ERGIC3: variants seen among roughly 807,000 people sequenced by gnomAD.
The protein encoded by ERGIC3 is ERGIC and golgi 3.
ERGIC3 carries 33 observed loss-of-function variants against 54.7 expected under a neutral mutation model. That is an observed-to-expected ratio of 0.60 (90% CI 0.46 to 0.81). The LOEUF (loss-of-function observed/expected upper bound fraction) is 0.81. Among genes scored for constraint, ERGIC3 ranks in the 30% least tolerant of loss-of-function variants. The pLI is 0.00. For missense variants in ERGIC3, 399 were observed against 488.4 expected, an observed-to-expected ratio of 0.82 and a Z score of 1.73; for synonymous variants, 186 against 189.8, an observed-to-expected ratio of 0.98 and a Z score of 0.16.
At chr20:35,555,812 CAAAAAAAAAAAAA>C (rs60761936) in intron 8 of ERGIC3, among the ~76,000 whole-genome samples, 1 of 80,596 alleles carries the variant, frequency 1.2e-5, no homozygotes, top group Admixed American at 1.4e-4. Context: ...GACCTTGTCT[CAAAAAAAAAAAAA>C]AAAAAGAAAA....
chr20:35,542,382 C>T lies in ERGIC3; in HGVS notation c.148C>T (p.Leu50Phe), dbSNP rs1473140955. ...GTTCCTGTCCGAGCTGCAGTATTAC[C>T]TCACCACGGAGGTAAGGGGCGGGGC... ...LLFLSELQYY[L>F]TTEVHPELYV... Residue 50 changes from leucine to phenylalanine, a missense_variant, in exon 2 of 13, where the codon CTC becomes TTC. Transcript: ENST00000348547. 1 of 1,613,874 alleles carries T rather than the reference C, an allele frequency of 6.2e-7. No individual in the cohort carries two copies. The highest frequency in any genetic ancestry group is 2.2e-5 in the East Asian group (1 of 44,856).
In ERGIC3 at chr20:35,553,020, A is replaced by ATTTTTTTTTTTTTTTTTTTTTTTTT. The variant is rs141438822; in HGVS notation, c.686-2020_686-1996dup. On this transcript the variant is annotated intron_variant, in intron 7 of 12. Transcript: ENST00000348547. ...TTTGCCCTGAGCTTCAAAGCTGGGG[A>ATTTTTTTTTTTTTTTTTTTTTTTTT]TTTTTTTTTTTTTTTTTTTTTTTTT... Among the ~76,000 whole-genome samples, 9 of 41,562 alleles carry ATTTTTTTTTTTTTTTTTTTTTTTTT rather than the reference A, an allele frequency of 2.2e-4. 4 individuals carry two copies. The highest frequency in any genetic ancestry group is 1.7e-3 in the East Asian group (2 of 1,150). The allele number at this position is 41,562 out of a possible 152,430, so 27.3% of individuals were successfully genotyped here.
At chr20:35,544,013 A>ACTATCTATCTAT (rs11468676) in intron 4 of ERGIC3, 23 of 187,878 alleles carry the variant, frequency 1.2e-4, no homozygotes, top group East Asian at 4.1e-4. Flanking sequence ...TGAAGAATCT[A>ACTATCTATCTAT]CTATCTATCT....
chr20:35,554,603 G>A (rs977123006), intron 7 of ERGIC3, among the ~76,000 whole-genome samples: 3 of 152,232 alleles, frequency 2.0e-5, no homozygotes, highest in African/African-American at 7.2e-5. Context: ...GGAACAGTTG[G>A]TACAGGGTCC....
At chr20:35,553,019 G>GGTTTTTTTTTTTTT (rs2064689546) in intron 7 of ERGIC3, among the ~76,000 whole-genome samples, 20 of 12,624 alleles carry the variant, frequency 1.6e-3, no homozygotes, top group Non-Finnish European at 3.7e-3. Flanking sequence ...CAAAGCTGGG[G>GGTTTTTTTTTTTTT]ATTTTTTTTT....
At chr20:35,548,408 G>C in intron 5 of ERGIC3, 101 bp from the exon 6 acceptor site, 1 of 1,280,556 alleles carries the variant, frequency 7.8e-7, no homozygotes. Flanking sequence ...GGCTAGCAGA[G>C]CCTTCATTAG....
chr20:35,548,387 G>A, intron 5 of ERGIC3, 122 bp from the exon 6 acceptor site: 5 of 1,032,604 alleles, frequency 4.8e-6, no homozygotes, highest in Non-Finnish European at 5.6e-6. Context: ...ATGTTTGGTG[G>A]TCAGGGATGA....
chr20:35,556,077 C>G lies in ERGIC3; in HGVS notation c.762C>G (p.Asp254Glu). The change falls in exon 9 of 13, where the codon GAC becomes GAG. Residue 254 changes from aspartate (D) to glutamate (E), a missense_variant. By Grantham distance (45) the Asp-to-Glu change is conservative. Coordinates refer to ENST00000348547, the MANE Select transcript of ERGIC3 (RefSeq NM_015966.3). The stretch of plus-strand genomic sequence containing the variant: ...TCCAGCACCTGTCATTTGGGGAGGA[C>G]TATCCAGGCATTGTGAACCCCCTGG... Reference protein sequence around the residue: ...HYIQHLSFGEDYPGIVNPLDH... With the variant: ...HYIQHLSFGEEYPGIVNPLDH... 1 of 1,614,190 alleles carries G rather than the reference C, an allele frequency of 6.2e-7. No individual in the cohort carries two copies. Among genetic ancestry groups the G allele is most frequent in the Non-Finnish European group, 8.5e-7 (1 of 1,180,034 alleles).
intron 7 of ERGIC3, among the ~76,000 whole-genome samples, chr20:35,549,984 C>T (rs1260193573): frequency 1.3e-5 from 2 of 152,010 alleles, no homozygotes; most frequent in East Asian, 3.9e-4. Context: ...GACGTAACCC[C>T]AGTGTAGGTC....
intron 8 of ERGIC3, among the ~76,000 whole-genome samples, chr20:35,555,380 AGTC>A (rs1285116977): frequency 6.6e-6 from 1 of 152,198 alleles, no homozygotes. Context: ...AGGCTGGAGA[AGTC>A]GGCAGGGACC....
At chr20:35,546,902 G>T (rs1482034071) in intron 4 of ERGIC3, among the ~76,000 whole-genome samples, 1 of 152,124 alleles carries the variant, frequency 6.6e-6, no homozygotes, top group East Asian at 1.9e-4. Flanking sequence ...GAGTCGGGAG[G>T]TCAGTATTCA....
At position 35,554,427 on chromosome 20, in the gene ERGIC3, T is replaced by A. The variant is rs766869641; in HGVS notation, c.686-617T>A. The A allele has an allele frequency of 1.9e-5, 30 of 1,612,622 alleles. No individual in the cohort carries two copies. The South Asian group carries it at 3.2e-4, about 17-fold the overall frequency. On this transcript the variant is annotated intron_variant, in intron 7 of 12. Coordinates refer to ENST00000348547, the MANE Select transcript of ERGIC3 (RefSeq NM_015966.3). ...CCCATGGAGGCCAAACCCCTACTTC[T>A]GGGGCAGCCTGCCCTACTAGAATGG...
chr20:35,555,241 C>G (rs984267380), intron 8 of ERGIC3, among the ~76,000 whole-genome samples, 166 bp downstream of exon 8: 1 of 152,124 alleles, frequency 6.6e-6, no homozygotes, highest in African/African-American at 2.4e-5. Context: ...GACTTTTGAA[C>G]TGAACTCTGA....
At chr20:35,544,514 C>T (rs887358094) in intron 4 of ERGIC3, 7 of 276,096 alleles carry the variant, frequency 2.5e-5, no homozygotes, top group Non-Finnish European at 4.5e-5. Context: ...GGATGTGCGT[C>T]CCCACTCTTT....
At chr20:35,545,418 T>C (rs1397072758) in intron 4 of ERGIC3, 3 of 146,562 alleles carry the variant, frequency 2.0e-5, no homozygotes, top group South Asian at 4.4e-4. Context: ...AAAAAAAAAA[T>C]TAGCCGGGTG....
intron 4 of ERGIC3, among the ~76,000 whole-genome samples, chr20:35,547,007 T>C (rs900500878): frequency 2.6e-5 from 4 of 152,122 alleles, no homozygotes; most frequent in Non-Finnish European, 5.9e-5. Context: ...GGCAAGAGGT[T>C]AGTGGCATAC....
At chr20:35,557,372 G>C (rs866209577) in intron 12 of ERGIC3, 53 bp from the exon 13 acceptor site, 2 of 1,609,398 alleles carry the variant, frequency 1.2e-6, no homozygotes. Flanking sequence ...GGCTCTCAGC[G>C]TCAAAAGCCA....
At chr20:35,544,580 G>A (rs982357245) in intron 4 of ERGIC3, 6 of 259,392 alleles carry the variant, frequency 2.3e-5, no homozygotes, top group South Asian at 5.9e-5. Flanking sequence ...ACACCATGGC[G>A]TGCCGCTCAT....
At chr20:35,543,410 T>C (rs542297356) in intron 4 of ERGIC3, 4 of 341,612 alleles carry the variant, frequency 1.2e-5, no homozygotes, top group Admixed American at 1.1e-4. Context: ...GTCTGTGAGC[T>C]TCAGCTAGAA....
Sources: gnomAD v4.1 joint callset for allele counts (sites outside exome capture counted in the v4.1 genomes callset) on GRCh38, gnomAD v4.1.1 for gene constraint, MANE v1.5 for transcripts, NCBI Gene and HGNC (gene_info 2026-07-23, HGNC 2026-07-21) for gene names.